CD59: variants seen among roughly 807,000 people sequenced by gnomAD.
CD59 encodes the protein CD59 molecule (CD59 blood group).
A neutral mutation model predicts 7.0 loss-of-function variants in CD59; 3 were observed. That is an observed-to-expected ratio of 0.43 (90% CI 0.19 to 1.10). CD59 has a LOEUF of 1.10. Ranked by LOEUF, CD59 falls within the 50% of genes least tolerant of loss-of-function variation. The pLI, the probability that CD59 is intolerant of heterozygous loss-of-function variation, is 0.29. For missense variants in CD59, 143 were observed against 151.0 expected (o/e 0.95, Z 0.28); for synonymous variants, 60 against 62.0 (o/e 0.97, Z 0.15).
intron 3 of CD59, among the ~76,000 whole-genome samples, chr11:33,715,459 G>T (rs1208095464): frequency 6.6e-6 from 1 of 152,130 alleles, no homozygotes; most frequent in Non-Finnish European, 1.5e-5. Flanking sequence ...AATTAGCTGG[G>T]CATGGTGGCT....
chr11:33,720,171 T>C (rs1481098053), intron 2 of CD59, among the ~76,000 whole-genome samples: 1 of 152,226 alleles, frequency 6.6e-6, no homozygotes, highest in Non-Finnish European at 1.5e-5. Context: ...AAGCTCTTCA[T>C]AGGATTGTTA....
At chr11:33,718,860 T>C (rs1853921528) in intron 2 of CD59, 1 of 152,238 alleles carries the variant, frequency 6.6e-6, no homozygotes, top group African/African-American at 2.4e-5. Flanking sequence ...ACACGTGTGA[T>C]GGGGAGAGAC....
chr11:33,714,424 C>A (rs1004167295), intron 3 of CD59, among the ~76,000 whole-genome samples: 3 of 152,180 alleles, frequency 2.0e-5, no homozygotes, highest in African/African-American at 7.2e-5. Flanking sequence ...AGGGCACTTA[C>A]TGTGAATGGA....
chr11:33,729,980 G>T (rs1854367692), intron 1 of CD59, among the ~76,000 whole-genome samples: 1 of 151,972 alleles, frequency 6.6e-6, no homozygotes, highest in Non-Finnish European at 1.5e-5. Flanking sequence ...ATATTTTGGA[G>T]ATTTGCAATT....
intron 2 of CD59, among the ~76,000 whole-genome samples, chr11:33,721,398 A>G (rs960220853): frequency 7.2e-5 from 11 of 152,218 alleles, no homozygotes; most frequent in African/African-American, 2.7e-4. Context: ...TAAACAATAA[A>G]CAGTGAATAT....
In CD59 at chr11:33,707,312, G is replaced by A. The variant is rs534797303; in HGVS notation, c.*2814C>T. Reference sequence around the variant, plus strand: ...GGTTAATTCTGTCAAGAGGCCCAAAGTCTTGGGCAGGCTCTTATTTTTTCA... The same window carrying A: ...GGTTAATTCTGTCAAGAGGCCCAAAATCTTGGGCAGGCTCTTATTTTTTCA... On this transcript the variant is annotated 3_prime_UTR_variant, in exon 4 of 4. Transcript: ENST00000642928. 1.3e-5 allele frequency: 2 copies of A among 152,362 alleles called. No individual in the cohort carries two copies. Among genetic ancestry groups the A allele is most frequent in the East Asian group, 3.9e-4 (2 of 5,192 alleles). The allele number at this position is 152,362 out of a possible 1,614,324, so 9.4% of individuals were successfully genotyped here.
At chr11:33,720,222 A>G (rs575687382) in intron 2 of CD59, among the ~76,000 whole-genome samples, 2 of 152,364 alleles carry the variant, frequency 1.3e-5, no homozygotes, top group South Asian at 4.1e-4. Context: ...ACCTTGCAAG[A>G]GAAAACTAAG....
At chr11:33,728,315 A>C (rs1390053616) in intron 1 of CD59, among the ~76,000 whole-genome samples, 5 of 152,246 alleles carry the variant, frequency 3.3e-5, no homozygotes, top group Non-Finnish European at 7.3e-5. Context: ...ACTGGTACCG[A>C]AACAGATATA....
intron 3 of CD59, among the ~76,000 whole-genome samples, chr11:33,714,724 A>G (rs1172214071): frequency 6.6e-6 from 1 of 152,156 alleles, no homozygotes; most frequent in Non-Finnish European, 1.5e-5. Context: ...AATTTTTAAA[A>G]ACTTTTCTTG....
intron 1 of CD59, among the ~76,000 whole-genome samples, chr11:33,724,230 G>A (rs924855988): frequency 3.3e-5 from 5 of 152,228 alleles, no homozygotes; most frequent in Non-Finnish European, 5.9e-5. Flanking sequence ...AGGAGCTGCC[G>A]GTTCAGGACA....
chr11:33,716,323 G>T (rs1443007654), intron 3 of CD59, among the ~76,000 whole-genome samples: 1 of 152,090 alleles, frequency 6.6e-6, no homozygotes, highest in Admixed American at 6.6e-5. Flanking sequence ...TTTATCTCAG[G>T]TTTTTCTGAA....
chr11:33,719,072 G>A (rs1253045091), intron 2 of CD59: 6 of 152,222 alleles, frequency 3.9e-5, no homozygotes, highest in Admixed American at 3.9e-4. Context: ...CCAAGTGTGG[G>A]TTTTAGAGCC....
chr11:33,711,057 G>C (rs1247154405), intron 3 of CD59, among the ~76,000 whole-genome samples: 1 of 151,226 alleles, frequency 6.6e-6, no homozygotes, highest in Non-Finnish European at 1.5e-5. Context: ...AAAGGTGGGG[G>C]GGGGGCAGAA....
intron 3 of CD59, among the ~76,000 whole-genome samples, chr11:33,715,236 T>G (rs940294312): frequency 6.6e-6 from 1 of 152,196 alleles, no homozygotes; most frequent in Non-Finnish European, 1.5e-5. Context: ...TATTTTAGTT[T>G]TGTAATAAAC....
chr11:33,720,589 C>G (rs192852824), intron 2 of CD59, among the ~76,000 whole-genome samples: 2 of 152,112 alleles, frequency 1.3e-5, no homozygotes, highest in Non-Finnish European at 2.9e-5. Context: ...ATTAGCCAGG[C>G]ATAGTGGCAT....
intron 1 of CD59, among the ~76,000 whole-genome samples, chr11:33,723,742 A>T (rs1047045501): frequency 6.6e-6 from 1 of 151,994 alleles, no homozygotes; most frequent in Non-Finnish European, 1.5e-5. Flanking sequence ...CCCCATTTTC[A>T]GGGGTTTCTG....
intron 3 of CD59, among the ~76,000 whole-genome samples, chr11:33,712,935 C>T (rs1031425406): frequency 6.6e-6 from 1 of 152,140 alleles, no homozygotes; most frequent in African/African-American, 2.4e-5. Flanking sequence ...TGGAAGAATA[C>T]ACTTCGTTTA....
chr11:33,711,388 T>C (rs1242364568), intron 3 of CD59: 1 of 700,924 alleles, frequency 1.4e-6, no homozygotes, highest in African/African-American at 1.8e-5. Flanking sequence ...ACTAACCCAA[T>C]TAAAATATGG....
Position 33,704,259 on chromosome 11 carries a change from T to C in CD59, c.*5867A>G, listed in dbSNP as rs1479158138. ...ACATCAGCTCTCTGAACCCCAATTGTCTCTGATCTATAAAATGAAGACAGT... is the reference window on the plus strand; with the variant it reads ...ACATCAGCTCTCTGAACCCCAATTGCCTCTGATCTATAAAATGAAGACAGT... On this transcript the variant is annotated 3_prime_UTR_variant, in exon 4 of 4. Coordinates refer to ENST00000642928, the MANE Select transcript of CD59 (RefSeq NM_000611.6). 1 of 152,220 alleles carries C rather than the reference T, an allele frequency of 6.6e-6. No homozygotes were observed. Among genetic ancestry groups the C allele is most frequent in the Non-Finnish European group, 1.5e-5 (1 of 68,056 alleles). 9.4% of individuals were successfully genotyped at this position (152,220 alleles called of 1,614,324 possible).
Sources: gnomAD v4.1 joint callset for allele counts (sites outside exome capture counted in the v4.1 genomes callset) on GRCh38, gnomAD v4.1.1 for gene constraint, MANE v1.5 for transcripts, NCBI Gene and HGNC (gene_info 2026-07-23, HGNC 2026-07-21) for gene names.